NSMCE2: variants seen among roughly 807,000 people sequenced by gnomAD.
NSMCE2 encodes the protein NSE2 SUMO ligase component of SMC5/6 complex, also known as E3 SUMO-protein ligase NSE2.
In NSMCE2, 24 loss-of-function variants were observed where a neutral mutation model predicts 23.8. The observed-to-expected ratio is 1.01, with a 90% confidence interval of 0.73 to 1.42. The LOEUF (loss-of-function observed/expected upper bound fraction) is 1.42, where lower values mean the gene tolerates loss of function less well. NSMCE2 is among the 40% of genes most tolerant of loss of function. The pLI, the probability that NSMCE2 is intolerant of heterozygous loss-of-function variation, is 0.00. For synonymous variants in NSMCE2, 92 were observed against 94.1 expected (o/e 0.98, Z 0.13); for missense variants, 284 against 296.5 (o/e 0.96, Z 0.31).
chr8:125,118,625 T>G (rs1251501001), intron 3 of NSMCE2, among the ~76,000 whole-genome samples: 2 of 152,220 alleles, frequency 1.3e-5, no homozygotes, highest in Non-Finnish European at 2.9e-5. Context: ...AGTTTAGGAT[T>G]ATATAAAAGA....
rs552296179 is a variant in NSMCE2 at position 125,270,414 on chromosome 8, G to A, written c.419-86805G>A. 3.9e-5 allele frequency among the ~76,000 whole-genome samples: 6 copies of A among 152,258 alleles called. No homozygotes were observed. The East Asian group carries it at 5.8e-4, about 15-fold the overall frequency. On this transcript the variant is annotated intron_variant, in intron 5 of 7. Transcript: ENST00000287437. ...CAGGAGGTGGAGGTTGCAGTGAGCC[G>A]AGATCGCACCACTGCACTCTGGCCT...
chr8:125,170,008 T>A (rs193035464), intron 4 of NSMCE2, among the ~76,000 whole-genome samples: 216 of 152,222 alleles, frequency 1.4e-3, no homozygotes, highest in African/African-American at 5.0e-3. Flanking sequence ...CAGCCTGCTC[T>A]GATATCATCC....
At chr8:125,191,297 A>G (rs952529532) in intron 5 of NSMCE2, among the ~76,000 whole-genome samples, 1 of 152,194 alleles carries the variant, frequency 6.6e-6, no homozygotes, top group African/African-American at 2.4e-5. Context: ...ATTCATACCC[A>G]GGTTTAGGTG....
chr8:125,115,760 T>C (rs191258673), intron 3 of NSMCE2, among the ~76,000 whole-genome samples: 1 of 152,290 alleles, frequency 6.6e-6, no homozygotes, highest in East Asian at 1.9e-4. Context: ...AAATAAATCT[T>C]TCATGGCCAT....
At chr8:125,205,873 A>G (rs959991326) in intron 5 of NSMCE2, among the ~76,000 whole-genome samples, 1 of 152,190 alleles carries the variant, frequency 6.6e-6, no homozygotes, top group Non-Finnish European at 1.5e-5. Context: ...ATTTAAGATA[A>G]TTATAATCAA....
intron 6 of NSMCE2, 72 bp downstream of exon 6, chr8:125,357,391 T>C: frequency 9.1e-7 from 1 of 1,103,370 alleles, no homozygotes; most frequent in South Asian, 1.3e-5. Context: ...TCCTGTTTGC[T>C]TTCTGGTTTG....
chr8:125,139,102 A>G (rs1323583883), intron 3 of NSMCE2, among the ~76,000 whole-genome samples: 1 of 152,196 alleles, frequency 6.6e-6, no homozygotes, highest in Non-Finnish European at 1.5e-5. Context: ...AATAAATGGA[A>G]CTGTTCAGCG....
At chr8:125,283,340 G>A (rs1468213901) in intron 5 of NSMCE2, among the ~76,000 whole-genome samples, 1 of 151,980 alleles carries the variant, frequency 6.6e-6, no homozygotes, top group East Asian at 1.9e-4. Context: ...TTGAGTCCAG[G>A]AGTTCAAAAC....
At chr8:125,327,265 C>CAA (rs59574355) in intron 5 of NSMCE2, among the ~76,000 whole-genome samples, 96 of 118,542 alleles carry the variant, frequency 8.1e-4, no homozygotes, top group Non-Finnish European at 1.1e-3. Flanking sequence ...GACTCCATCT[C>CAA]AAAAAAAAAA....
intron 5 of NSMCE2, among the ~76,000 whole-genome samples, chr8:125,271,212 G>T (rs1827175232): frequency 6.7e-6 from 1 of 149,276 alleles, no homozygotes; most frequent in South Asian, 2.1e-4. Flanking sequence ...AGTGAGCAGA[G>T]ATTATGCCAT....
At chr8:125,102,222 A>G in intron 2 of NSMCE2, 76 bp downstream of exon 2, 1 of 833,548 alleles carries the variant, frequency 1.2e-6, no homozygotes. Flanking sequence ...TATTGGATAC[A>G]TTTGTATGAA....
At chr8:125,274,240 C>T (rs1827346211) in intron 5 of NSMCE2, among the ~76,000 whole-genome samples, 1 of 151,960 alleles carries the variant, frequency 6.6e-6, no homozygotes, top group Non-Finnish European at 1.5e-5. Flanking sequence ...CTGAAAAATA[C>T]AGAAAATGAA....
At chr8:125,211,547 A>G (rs943390921) in intron 5 of NSMCE2, among the ~76,000 whole-genome samples, 41 of 152,346 alleles carry the variant, frequency 2.7e-4, no homozygotes, top group African/African-American at 9.4e-4. Context: ...TGCCATGTGC[A>G]CTGGTACACA....
rs1378298857 is a variant in NSMCE2, at chr8:125,269,984, G to A, written c.419-87235G>A. 3.3e-5 allele frequency among the ~76,000 whole-genome samples: 5 copies of A among 152,248 alleles called. No homozygotes were observed. The South Asian group carries it at 8.3e-4, about 25-fold the overall frequency. ...ACTAAAGGACAAGCACGGCCCTTATGGTTCTTTAGGACTAGTCTCTTTACA... is the reference window on the plus strand; with the variant it reads ...ACTAAAGGACAAGCACGGCCCTTATAGTTCTTTAGGACTAGTCTCTTTACA... On this transcript the variant is annotated intron_variant, in intron 5 of 7. Transcript: ENST00000287437.
intron 5 of NSMCE2, among the ~76,000 whole-genome samples, chr8:125,323,273 G>A (rs556353749): frequency 5.3e-5 from 8 of 152,116 alleles, no homozygotes; most frequent in Middle Eastern, 3.2e-3. Context: ...ATCCCAGCAG[G>A]GGTTTTTTTG....
chr8:125,104,266 A>G lies in NSMCE2; in HGVS notation c.157+1779A>G, dbSNP rs530677480. Among the ~76,000 whole-genome samples, 5 of 152,346 alleles carry G rather than the reference A, an allele frequency of 3.3e-5. No homozygotes were observed. The South Asian group carries it at 8.3e-4, about 25-fold the overall frequency. ...TGGCCTTCCAAAATCTTGGAATTACAGGCATGAGCCTCCATGCCCAGCTTG... is the reference window on the plus strand; with the variant it reads ...TGGCCTTCCAAAATCTTGGAATTACGGGCATGAGCCTCCATGCCCAGCTTG... On this transcript the variant is annotated intron_variant, in intron 3 of 7. Transcript: ENST00000287437.
intron 5 of NSMCE2, among the ~76,000 whole-genome samples, chr8:125,222,452 A>G (rs928142370): frequency 6.6e-6 from 1 of 152,150 alleles, no homozygotes; most frequent in African/African-American, 2.4e-5. Context: ...GCAATAGATC[A>G]CTAAAACTTA....
chr8:125,127,109 C>G (rs1183224404), intron 3 of NSMCE2: 1 of 152,204 alleles, frequency 6.6e-6, no homozygotes, highest in African/African-American at 2.4e-5. Flanking sequence ...GCATTCTTTT[C>G]CATGCATGAA....
At chr8:125,248,914 A>C (rs1826097531) in intron 5 of NSMCE2, among the ~76,000 whole-genome samples, 1 of 152,136 alleles carries the variant, frequency 6.6e-6, no homozygotes, top group South Asian at 2.1e-4. Flanking sequence ...TCATGCCTGT[A>C]ATCCCAGCAC....
Sources: gnomAD v4.1 joint callset for allele counts (sites outside exome capture counted in the v4.1 genomes callset) on GRCh38, gnomAD v4.1.1 for gene constraint, MANE v1.5 for transcripts, NCBI Gene and HGNC (gene_info 2026-07-23, HGNC 2026-07-21) for gene names.